NOCT: variants seen among roughly 807,000 people sequenced by gnomAD.
NOCT encodes CCR4 carbon catabolite repression 4-like.
Under a neutral mutation model 35.0 loss-of-function variants are expected in NOCT, and 18 were observed. The observed-to-expected ratio is 0.51, with a 90% CI of 0.36 to 0.76. The LOEUF (loss-of-function observed/expected upper bound fraction) is 0.76. Among genes scored for constraint, NOCT ranks in the 30% least tolerant of loss-of-function variants. The pLI is 0.01. For missense variants in NOCT, 479 were observed against 541.0 expected (o/e 0.89, Z 1.14); for synonymous variants, 235 against 226.3 (o/e 1.04, Z -0.34).
chr4:139,043,542 A>T (rs1479836735), intron 2 of NOCT, 199 bp downstream of exon 2: 1 of 557,814 alleles, frequency 1.8e-6, no homozygotes, highest in Non-Finnish European at 3.2e-6. Context: ...TTTTAGAAAG[A>T]AAAAAGACAC....
chr4:139,016,052 C>G lies in NOCT; in HGVS notation c.71C>G (p.Pro24Arg). The G allele has an allele frequency of 1.4e-6, 2 of 1,390,422 alleles. No individual in the cohort carries two copies. The highest frequency in any genetic ancestry group is 1.6e-5 in the South Asian group (1 of 64,032). The allele number at this position is 1,390,422 out of a possible 1,614,324, so 86.1% of individuals were successfully genotyped here. Residue 24 changes from proline to arginine, a missense_variant, in exon 1 of 3, where the codon CCC (proline) becomes CGC (arginine). Transcript: ENST00000280614. ...GACGCGCCCGGCCTGCGCCGCCTGCCCGCCCCAGGGCTGCGCCGCCCGTTG... is the reference window on the plus strand; with the variant it reads ...GACGCGCCCGGCCTGCGCCGCCTGCGCGCCCCAGGGCTGCGCCGCCCGTTG... ...QRDAPGLRRL[P>R]APGLRRPLSP...
chr4:139,037,751 G>A (rs1378031685), intron 1 of NOCT, among the ~76,000 whole-genome samples: 5 of 152,116 alleles, frequency 3.3e-5, no homozygotes, highest in Admixed American at 6.5e-5. Context: ...TGGCTGGTAC[G>A]GTGGTGTGCA....
At chr4:139,021,762 T>TA (rs1726418623) in intron 1 of NOCT, among the ~76,000 whole-genome samples, 1 of 37,196 alleles carries the variant, frequency 2.7e-5, no homozygotes, top group Non-Finnish European at 4.5e-5. Context: ...ACAGTTTTTC[T>TA]GGTTTTTTTT....
chr4:139,041,634 C>T (rs1182675937), intron 1 of NOCT, among the ~76,000 whole-genome samples: 1 of 152,172 alleles, frequency 6.6e-6, no homozygotes, highest in Non-Finnish European at 1.5e-5. Flanking sequence ...TAAAAATTAA[C>T]TCGGGAAGAC....
rs10541748 is a variant in NOCT, at chr4:139,016,641, G to GTTT, written c.190+498_190+500dup. ...ATAACACATTGATTCGTTTTACGTT[G>GTTT]TTTTTTTTTTTTTTTTTTTTTTTTT... On this transcript the variant is annotated intron_variant, in intron 1 of 2. Transcript: ENST00000280614. Among the ~76,000 whole-genome samples the GTTT allele has an allele frequency of 3.3e-4, 18 of 53,800 alleles. 2 individuals carry two copies. Among genetic ancestry groups the GTTT allele is most frequent in the African/African-American group, 1.1e-3 (14 of 13,088 alleles). 35.3% of individuals were successfully genotyped at this position (53,800 alleles called of 152,430 possible).
In NOCT at chr4:139,027,869, C is replaced by G. The variant is rs548329317; in HGVS notation, c.190+11698C>G. ...ATGAAATATTACTGTTCTTAAGGTT[C>G]CCCCCCTCCCCCTACCATTTAAAAA... On this transcript the variant is annotated intron_variant, in intron 1 of 2. Transcript: ENST00000280614. Among the ~76,000 whole-genome samples the G allele has an allele frequency of 3.3e-5, 5 of 151,854 alleles. No individual in the cohort carries two copies. The East Asian group carries it at 9.7e-4, about 29-fold the overall frequency.
intron 1 of NOCT, among the ~76,000 whole-genome samples, chr4:139,029,249 CTAAAT>C (rs1208479939): frequency 2.0e-5 from 3 of 152,204 alleles, no homozygotes; most frequent in Non-Finnish European, 4.4e-5. Context: ...TCTTGTTTAA[CTAAAT>C]TAATCCTCAC....
At chr4:139,038,372 T>C (rs1466303629) in intron 1 of NOCT, among the ~76,000 whole-genome samples, 1 of 152,084 alleles carries the variant, frequency 6.6e-6, no homozygotes, top group Non-Finnish European at 1.5e-5. Context: ...TGAGGGTGAA[T>C]TTGTTGAAAA....
intron 1 of NOCT, among the ~76,000 whole-genome samples, chr4:139,032,289 C>T (rs1726641029): frequency 6.6e-6 from 1 of 152,050 alleles, no homozygotes; most frequent in African/African-American, 2.4e-5. Context: ...GCTAAATGGA[C>T]ACTAGGCAGA....
rs759840367 is a variant in NOCT, at chr4:139,044,964, C to T, written c.786C>T (p.Thr262=). The T allele has an allele frequency of 2.5e-6, 4 of 1,614,118 alleles. No individual in the cohort carries two copies. In the African/African-American group the frequency reaches 5.3e-5, roughly 22 times the overall value. ...NIRLTAMTLK[T]NQVAIAQTLE... The stretch of plus-strand genomic sequence containing the variant: ...GGCTGACAGCCATGACATTGAAAAC[C>T]AACCAGGTGGCCATTGCACAGACCC... The change falls in exon 3 of 3, where the codon ACC becomes ACT. Residue 262 remains threonine, a synonymous_variant. Transcript: ENST00000280614.
Position 139,043,200 on chromosome 4 carries a change from ATCCTAAAGAGC to A in NOCT, c.319_329del (p.Pro107SerfsTer2). 6.2e-7 allele frequency: 1 copy of A among 1,614,100 alleles called. No homozygotes were observed. Among genetic ancestry groups the A allele is most frequent in the East Asian group, 2.2e-5 (1 of 44,872 alleles). On this transcript the variant is annotated frameshift_variant, in exon 2 of 3. Coordinates refer to ENST00000280614, the MANE Select transcript of NOCT (RefSeq NM_012118.4). LOFTEE classifies it high-confidence loss of function. ...GACCCAGAGCATCTGGAGCCCATTG[ATCCTAAAGAGC>A]TTCTTGAGGAATGCAGGGCCGTCCT... is the stretch of plus-strand genomic sequence containing the variant.
At chr4:139,038,045 C>A (rs1219032635) in intron 1 of NOCT, among the ~76,000 whole-genome samples, 1 of 151,864 alleles carries the variant, frequency 6.6e-6, no homozygotes, top group Non-Finnish European at 1.5e-5. Context: ...ACTAAAAATA[C>A]AAAAATTAGC....
intron 1 of NOCT, among the ~76,000 whole-genome samples, chr4:139,030,654 G>A (rs1015094137): frequency 6.6e-6 from 1 of 152,186 alleles, no homozygotes; most frequent in African/African-American, 2.4e-5. Context: ...TAAATATATT[G>A]TATATCCAAC....
At chr4:139,034,337 A>G (rs781454112) in intron 1 of NOCT, among the ~76,000 whole-genome samples, 4 of 152,124 alleles carry the variant, frequency 2.6e-5, no homozygotes, top group Non-Finnish European at 5.9e-5. Flanking sequence ...TTTCTAATAC[A>G]TGAACTTTGG....
At position 139,024,632 on chromosome 4, in the gene NOCT, C is replaced by T. The variant is rs747902109; in HGVS notation, c.190+8461C>T. ...TTTGAGATGGGGTCTCGCTCTGTCA[C>T]TCAGGCTGGAGTGCTGTGGCGTGAT... On this transcript the variant is annotated intron_variant, in intron 1 of 2. Coordinates refer to ENST00000280614, the MANE Select transcript of NOCT (RefSeq NM_012118.4). Among the ~76,000 whole-genome samples, 36 of 152,242 alleles carry T rather than the reference C, an allele frequency of 2.4e-4. 1 individual carries two copies. Among genetic ancestry groups the T allele is most frequent in the Admixed American group, 1.1e-3 (17 of 15,292 alleles).
At chr4:139,034,256 G>C (rs1389337514) in intron 1 of NOCT, among the ~76,000 whole-genome samples, 1 of 151,600 alleles carries the variant, frequency 6.6e-6, no homozygotes, top group Non-Finnish European at 1.5e-5. Flanking sequence ...ATCCATTGAT[G>C]AGAGCCATGC....
intron 1 of NOCT, among the ~76,000 whole-genome samples, chr4:139,021,549 G>C (rs924586278): frequency 6.6e-6 from 1 of 152,024 alleles, no homozygotes; most frequent in Non-Finnish European, 1.5e-5. Context: ...GCATATTAAT[G>C]AAAGTTCAGT....
At chr4:139,040,913 A>G (rs988761310) in intron 1 of NOCT, among the ~76,000 whole-genome samples, 1 of 152,202 alleles carries the variant, frequency 6.6e-6, no homozygotes, top group African/African-American at 2.4e-5. Flanking sequence ...AAGTAAAAAA[A>G]AAAAGTACAA....
At chr4:139,017,940 C>T (rs1578622880) in intron 1 of NOCT, among the ~76,000 whole-genome samples, 2 of 152,044 alleles carry the variant, frequency 1.3e-5, no homozygotes, top group East Asian at 3.8e-4. Context: ...CTCCTGGCCT[C>T]GAGTTATCCT....
Sources: gnomAD v4.1 joint callset for allele counts (sites outside exome capture counted in the v4.1 genomes callset) on GRCh38, gnomAD v4.1.1 for gene constraint, MANE v1.5 for transcripts, NCBI Gene and HGNC (gene_info 2026-07-23, HGNC 2026-07-21) for gene names.